Variants in DLC1 observed in about 807,000 individuals in gnomAD.
DLC1 encodes rho GTPase-activating protein 7.
A neutral mutation model predicts 140.3 loss-of-function variants in DLC1; 54 were observed. That is an observed-to-expected ratio of 0.38 (90% confidence interval 0.31 to 0.48). The LOEUF is 0.48. Among genes scored for constraint, DLC1 ranks in the 20% least tolerant of loss-of-function variants. DLC1 has a pLI of 0.96. For synonymous variants in DLC1, 986 were observed against 728.1 expected (o/e 1.35, Z -5.70); for missense variants, 2,536 against 1,907.0 (o/e 1.33, Z -6.14).
Position 13,553,423 on chromosome 8 carries a change from CATA to C in DLC1, c.-126+51111_-126+51113del, listed in dbSNP as rs573580390. 3.1e-3 allele frequency among the ~76,000 whole-genome samples: 476 copies of C among 151,374 alleles called. 6 individuals are homozygous for C. Among genetic ancestry groups the C allele is most frequent in the African/African-American group, 0.011 (449 of 41,306 alleles). ...ACTGAGTTTCTCATCAGCATACCAGCATAATGTTTTTTTCTTATATTAACACAA... is the reference window on the plus strand; with the variant it reads ...ACTGAGTTTCTCATCAGCATACCAGCATGTTTTTTTCTTATATTAACACAA... On this transcript the variant is annotated intron_variant, in intron 1 of 1. Coordinates refer to the DLC1 transcript ENST00000631382.
chr8:13,263,718 T>A (rs1251821233), intron 5 of DLC1, among the ~76,000 whole-genome samples: 2 of 151,584 alleles, frequency 1.3e-5, no homozygotes, highest in Non-Finnish European at 2.9e-5. Context: ...TATGTTTTTT[T>A]AAAGAAAATG....
chr8:13,103,225 G>A (rs1367726784), intron 7 of DLC1, among the ~76,000 whole-genome samples: 1 of 151,874 alleles, frequency 6.6e-6, no homozygotes, highest in Non-Finnish European at 1.5e-5. Context: ...GCAGGAGAAT[G>A]GCGTGAACCC....
intron 5 of DLC1, among the ~76,000 whole-genome samples, chr8:13,265,667 T>G (rs2117353678): frequency 6.6e-6 from 1 of 152,006 alleles, no homozygotes. Flanking sequence ...TTTTTTTTCC[T>G]TCCCTTCTTC....
chr8:13,474,556 G>T (rs1474986265), intron 2 of DLC1, among the ~76,000 whole-genome samples: 1 of 152,190 alleles, frequency 6.6e-6, no homozygotes, highest in Admixed American at 6.5e-5. Context: ...TGCATCGTGT[G>T]CCTGGAGAAG....
At chr8:13,288,717 A>G (rs904807571) in intron 5 of DLC1, among the ~76,000 whole-genome samples, 7 of 152,206 alleles carry the variant, frequency 4.6e-5, no homozygotes, top group Non-Finnish European at 1.0e-4. Flanking sequence ...GGCGGCCCCT[A>G]TCAACGTCAC....
At chr8:13,173,368 C>CTTTTTTT (rs35778236) in intron 5 of DLC1, among the ~76,000 whole-genome samples, 15 of 103,524 alleles carry the variant, frequency 1.4e-4, no homozygotes, top group Non-Finnish European at 2.2e-4. Flanking sequence ...GTTCTGCCCT[C>CTTTTTTT]TTTTTTTTTT....
At chr8:13,402,470 T>C (rs1267015913) in intron 2 of DLC1, among the ~76,000 whole-genome samples, 1 of 152,182 alleles carries the variant, frequency 6.6e-6, no homozygotes, top group African/African-American at 2.4e-5. Context: ...AAAAATACTG[T>C]AGAAAGCACA....
chr8:13,459,226 C>T (rs922149124), intron 2 of DLC1, among the ~76,000 whole-genome samples: 3 of 152,046 alleles, frequency 2.0e-5, no homozygotes, highest in African/African-American at 7.2e-5. Flanking sequence ...CTGTGAAGTT[C>T]TGTGTTTTTC....
chr8:13,567,174 T>G, intron 1 of DLC1: 1 of 1,551,716 alleles, frequency 6.4e-7, no homozygotes, highest in Non-Finnish European at 8.7e-7. Flanking sequence ...AAAAGCAGAC[T>G]CCAAGCTTGG....
intron 5 of DLC1, among the ~76,000 whole-genome samples, chr8:13,252,477 T>C (rs1011678579): frequency 6.6e-6 from 1 of 152,116 alleles, no homozygotes; most frequent in African/African-American, 2.4e-5. Context: ...AGACAACAGA[T>C]ATGTTGCTGT....
At chr8:13,538,545 T>A (rs1331190058) in intron 1 of DLC1, among the ~76,000 whole-genome samples, 3 of 152,082 alleles carry the variant, frequency 2.0e-5, no homozygotes, top group African/African-American at 7.2e-5. Context: ...CTTCAGAATT[T>A]TTGTTGTGAG....
rs76591447 is a variant in DLC1 at position 13,431,602 on chromosome 8, C to G, written c.1024-29983G>C. On this transcript the variant is annotated intron_variant, in intron 2 of 17. Coordinates refer to ENST00000276297, the MANE Select transcript of DLC1 (RefSeq NM_182643.3). The stretch of plus-strand genomic sequence containing the variant: ...GACTTTGTTTCCAGGTAAGATTTCT[C>G]AATGCCATGGCAAATATGGCTACCT... Among the ~76,000 whole-genome samples the G allele has an allele frequency of 3.2e-3, 476 of 148,652 alleles. 11 individuals are homozygous for G. The South Asian group carries it at 0.062, about 19-fold the overall frequency.
Position 13,100,557 on chromosome 8 carries a change from C to G in DLC1, c.1780G>C (p.Val594Leu), listed in dbSNP as rs957907749. Reference protein sequence around the residue: ...DLSERQEVSSVRSLSSTGSLP... With the variant: ...DLSERQEVSSLRSLSSTGSLP... ...CTGCCAGTGCTGCTGAGGCTGCGGA[C>G]GGAAGACACCTCCTGGCGCTCGCTG... Residue 594 changes from valine (V) to leucine (L), a missense_variant, in exon 9 of 18, where the codon GTC becomes CTC. Physicochemically the swap from Val to Leu is conservative, Grantham distance 32. Transcript: ENST00000276297. The G allele has an allele frequency of 6.2e-7, 1 of 1,613,276 alleles. No homozygotes were observed. The highest frequency in any genetic ancestry group is 2.2e-5 in the East Asian group (1 of 44,866).
At chr8:13,448,464 G>C (rs1472823740) in intron 2 of DLC1, among the ~76,000 whole-genome samples, 1 of 151,554 alleles carries the variant, frequency 6.6e-6, no homozygotes, top group Non-Finnish European at 1.5e-5. Flanking sequence ...CCTGGTTCAA[G>C]TGATCCTCCT....
intron 5 of DLC1, among the ~76,000 whole-genome samples, chr8:13,130,726 C>G (rs1822006053): frequency 6.6e-6 from 1 of 152,210 alleles, no homozygotes; most frequent in Non-Finnish European, 1.5e-5. Context: ...ACCAAAACCA[C>G]TTTTCTCACC....
At chr8:13,298,387 T>C (rs1213923824) in intron 5 of DLC1, among the ~76,000 whole-genome samples, 1 of 152,142 alleles carries the variant, frequency 6.6e-6, no homozygotes, top group Non-Finnish European at 1.5e-5. Context: ...GTAGGAGTAA[T>C]GGAGAAGGTT....
chr8:13,553,881 A>G (rs375033200), intron 1 of DLC1, among the ~76,000 whole-genome samples: 6 of 151,696 alleles, frequency 4.0e-5, no homozygotes, highest in Non-Finnish European at 8.8e-5. Context: ...ATATTTGAAC[A>G]CTTCCTTCTC....
intron 7 of DLC1, 67 bp from the exon 8 acceptor site, chr8:13,102,920 G>T: frequency 7.6e-7 from 1 of 1,315,524 alleles, no homozygotes; most frequent in Non-Finnish European, 1.1e-6. Flanking sequence ...ATAAACACCT[G>T]TTTTTAAACA....
chr8:13,410,229 A>T (rs553448790), intron 2 of DLC1, among the ~76,000 whole-genome samples: 5 of 152,294 alleles, frequency 3.3e-5, no homozygotes, highest in African/African-American at 1.2e-4. Flanking sequence ...TTAGAAGGCA[A>T]TGCTCTTCAC....
Sources: allele counts gnomAD v4.1 joint callset (sites outside exome capture counted in the v4.1 genomes callset), GRCh38; gene constraint gnomAD v4.1.1; transcripts MANE v1.5; gene names NCBI Gene and HGNC (gene_info 2026-07-23, HGNC 2026-07-21).